Variants in SLC8A1 observed in about 807,000 individuals in gnomAD.
The protein encoded by SLC8A1 is solute carrier family 8 member A1, also known as sodium/calcium exchanger 1.
In SLC8A1, 18 loss-of-function variants were observed where a neutral mutation model predicts 68.3. That is an observed-to-expected ratio of 0.26 (90% CI 0.18 to 0.39). The LOEUF is 0.39. SLC8A1 is among the 10% of genes least tolerant of loss of function. The probability of loss-of-function intolerance (pLI) is 1.00; values close to 1 mark genes in which losing one functional copy is unlikely to be tolerated. For synonymous variants in SLC8A1, 475 were observed against 415.5 expected (o/e 1.14, Z -1.74); for missense variants, 985 against 1,156.7 (o/e 0.85, Z 2.15).
At chr2:40,403,318 A>G (rs35920920) in intron 2 of SLC8A1, among the ~76,000 whole-genome samples, 7,627 of 152,234 alleles carry the variant, frequency 0.05, 348 homozygotes, top group East Asian at 0.24. Flanking sequence ...CTTAAGGAGG[A>G]AATGCTCTCG....
At chr2:40,318,837 T>G (rs553352168) in intron 2 of SLC8A1, among the ~76,000 whole-genome samples, 1 of 152,116 alleles carries the variant, frequency 6.6e-6, no homozygotes, top group African/African-American at 2.4e-5. Flanking sequence ...GTGCAACGCT[T>G]AGGAAAGTTA....
At chr2:40,269,411 C>T (rs2065749142) in intron 2 of SLC8A1, among the ~76,000 whole-genome samples, 1 of 152,068 alleles carries the variant, frequency 6.6e-6, no homozygotes, top group African/African-American at 2.4e-5. Flanking sequence ...TTCTGTTGCT[C>T]TTTGACTTAG....
chr2:40,273,655 G>A (rs944164624), intron 2 of SLC8A1, among the ~76,000 whole-genome samples: 3 of 152,076 alleles, frequency 2.0e-5, no homozygotes, highest in Non-Finnish European at 2.9e-5. Context: ...ACCTCTCCAC[G>A]TTTTAAAAGT....
intron 1 of SLC8A1, among the ~76,000 whole-genome samples, chr2:40,464,877 G>C (rs1703565421): frequency 6.6e-6 from 1 of 152,170 alleles, no homozygotes; most frequent in African/African-American, 2.4e-5. Context: ...TTGAGTATTT[G>C]ATCCAACCAC....
At chr2:40,429,562 A>G (rs1404103686) in exon 2 of SLC8A1, 1 of 1,613,752 alleles carries the variant, frequency 6.2e-7, no homozygotes, top group Non-Finnish European at 8.5e-7. Context: ...GGGAAAGAAG[A>G]AGAAAGTAAG....
At chr2:40,128,110 C>T (rs1243517841) in intron 7 of SLC8A1, among the ~76,000 whole-genome samples, 1 of 152,222 alleles carries the variant, frequency 6.6e-6, no homozygotes, top group Admixed American at 6.5e-5. Flanking sequence ...TGGCGCTGTG[C>T]ATAAATGCCA....
At chr2:40,308,439 A>G (rs2073070857) in intron 2 of SLC8A1, among the ~76,000 whole-genome samples, 1 of 152,160 alleles carries the variant, frequency 6.6e-6, no homozygotes, top group Admixed American at 6.6e-5. Context: ...GGATATGCTG[A>G]TACAACATGC....
intron 1 of SLC8A1, among the ~76,000 whole-genome samples, chr2:40,445,665 G>A (rs1330202858): frequency 1.3e-5 from 2 of 152,188 alleles, no homozygotes; most frequent in Non-Finnish European, 2.9e-5. Context: ...GACTGATAAA[G>A]AGAAGCTCTT....
At chr2:40,362,353 C>T (rs568809007) in intron 2 of SLC8A1, among the ~76,000 whole-genome samples, 2 of 151,962 alleles carry the variant, frequency 1.3e-5, no homozygotes, top group East Asian at 1.9e-4. Flanking sequence ...ATAATGACAG[C>T]CCAGATTTAT....
chr2:40,295,136 G>C (rs2070117607), intron 2 of SLC8A1, among the ~76,000 whole-genome samples: 1 of 151,662 alleles, frequency 6.6e-6, no homozygotes, highest in African/African-American at 2.4e-5. Context: ...GTCTCACTCT[G>C]TCACTCAGGC....
intron 2 of SLC8A1, among the ~76,000 whole-genome samples, chr2:40,263,342 G>C (rs1038640545): frequency 6.6e-6 from 1 of 152,128 alleles, no homozygotes; most frequent in African/African-American, 2.4e-5. Context: ...AATTCAATTG[G>C]AAAAAACTAC....
chr2:40,363,688 C>A (rs377230122), intron 2 of SLC8A1, among the ~76,000 whole-genome samples: 32 of 152,006 alleles, frequency 2.1e-4, no homozygotes, highest in Non-Finnish European at 4.0e-4. Flanking sequence ...AAAAGACTTC[C>A]TTTAAATTTG....
At position 40,241,073 on chromosome 2, in the gene SLC8A1, C is replaced by G. The variant is rs541727081; in HGVS notation, c.1809-63218G>C. On this transcript the variant is annotated intron_variant, in intron 2 of 7. Transcript: ENST00000406785. ...TGCACGTTCATCACTATGCCATTCA[C>G]AATAGCAAAGGCATGGAATCAAGTC... 3.9e-5 allele frequency among the ~76,000 whole-genome samples: 6 copies of G among 152,170 alleles called. No individual in the cohort carries two copies. In the South Asian group the frequency reaches 6.2e-4, roughly 16 times the overall value.
intron 2 of SLC8A1, among the ~76,000 whole-genome samples, chr2:40,330,402 C>T (rs554151631): frequency 1.7e-4 from 26 of 152,090 alleles, no homozygotes; most frequent in African/African-American, 4.8e-4. Context: ...TTGGACTAAA[C>T]GTAAGAAAAG....
At chr2:40,154,276 T>C (rs58161621) in intron 6 of SLC8A1, among the ~76,000 whole-genome samples, 2,324 of 150,804 alleles carry the variant, frequency 0.015, 71 homozygotes, top group African/African-American at 0.053. Flanking sequence ...TGGGCCACAA[T>C]TTTTAATTTA....
At chr2:40,136,759 C>A (rs1311243219) in intron 7 of SLC8A1, among the ~76,000 whole-genome samples, 1 of 152,114 alleles carries the variant, frequency 6.6e-6, no homozygotes. Flanking sequence ...TGCTCTGAAT[C>A]AGCAGGGTCA....
intron 1 of SLC8A1, among the ~76,000 whole-genome samples, chr2:40,506,505 G>T (rs1008050233): frequency 6.6e-6 from 1 of 151,728 alleles, no homozygotes; most frequent in Admixed American, 6.6e-5. Flanking sequence ...TTTGGGATTT[G>T]GTTTTTAGCA....
chr2:40,475,307 G>C (rs1319376092), intron 1 of SLC8A1, among the ~76,000 whole-genome samples: 2 of 151,792 alleles, frequency 1.3e-5, no homozygotes, highest in South Asian at 2.1e-4. Flanking sequence ...CTAATTTTTT[G>C]CATTTTTAGT....
At chr2:40,450,269 G>T (rs1431817289) in intron 1 of SLC8A1, among the ~76,000 whole-genome samples, 1 of 152,122 alleles carries the variant, frequency 6.6e-6, no homozygotes, top group African/African-American at 2.4e-5. Flanking sequence ...TATTTGAAAT[G>T]AATGAAACAT....
Sources: gnomAD v4.1 joint callset for allele counts (sites outside exome capture counted in the v4.1 genomes callset) on GRCh38, gnomAD v4.1.1 for gene constraint, MANE v1.5 for transcripts, NCBI Gene and HGNC (gene_info 2026-07-23, HGNC 2026-07-21) for gene names.